Variants in CLPX observed in about 807,000 individuals in gnomAD.
The protein encoded by CLPX is ATP-dependent clpX-like chaperone, mitochondrial.
A neutral mutation model predicts 76.4 loss-of-function variants in CLPX; 34 were observed. The ratio of observed to expected loss-of-function variants is 0.45; its 90% CI spans 0.34 to 0.59. The LOEUF is 0.59. CLPX is among the 20% of genes least tolerant of loss of function. The pLI, the probability that CLPX is intolerant of heterozygous loss-of-function variation, is 0.01. For missense variants in CLPX, 613 were observed against 757.0 expected (o/e 0.81, Z 2.23); for synonymous variants, 248 against 270.9 (o/e 0.92, Z 0.83).
intron 12 of CLPX, among the ~76,000 whole-genome samples, chr15:65,153,202 C>T (rs1222588069): frequency 1.3e-5 from 2 of 151,024 alleles, no homozygotes; most frequent in African/African-American, 4.9e-5. Flanking sequence ...GTAATCCCAG[C>T]ACTTTGGGAG....
At position 65,150,905 on chromosome 15, in the gene CLPX, G is replaced by C; in HGVS notation, c.1820C>G (p.Thr607Arg). ...KKEPGYIRAP[T>R]KESSEEEYDS... Reference sequence around the variant, plus strand: ...ATACTCCTCTTCAGAGGATTCTTTTGTTGGAGCCCTACAATGAAAAGCCAT... The same window carrying C: ...ATACTCCTCTTCAGAGGATTCTTTTCTTGGAGCCCTACAATGAAAAGCCAT... Residue 607 changes from threonine (T) to arginine (R), a missense_variant, in exon 14 of 14, where the codon ACA becomes AGA. Coordinates refer to ENST00000300107, the MANE Select transcript of CLPX (RefSeq NM_006660.5). The C allele has an allele frequency of 4.4e-6, 7 of 1,603,302 alleles. No homozygotes were observed. The highest frequency in any genetic ancestry group is 5.1e-6 in the Non-Finnish European group (6 of 1,174,286).
At chr15:65,166,882 G>C in intron 3 of CLPX, 97 bp from the exon 4 acceptor site, 3 of 1,200,748 alleles carry the variant, frequency 2.5e-6, no homozygotes, top group South Asian at 1.6e-5. Flanking sequence ...CTACGCACCT[G>C]ACAAAAAGTA....
intron 1 of CLPX, chr15:65,184,419 T>TC (rs1304149387): frequency 6.6e-6 from 1 of 152,322 alleles, no homozygotes; most frequent in Non-Finnish European, 1.5e-5. Flanking sequence ...CCCAAGTACT[T>TC]CCGAACCAAC....
At chr15:65,164,553 A>T (rs977171150) in intron 4 of CLPX, among the ~76,000 whole-genome samples, 1 of 152,222 alleles carries the variant, frequency 6.6e-6, no homozygotes, top group African/African-American at 2.4e-5. Context: ...AATGTAAATC[A>T]TTAAAATAAA....
intron 13 of CLPX, among the ~76,000 whole-genome samples, chr15:65,151,456 GAAAAAA>G (rs529752332): frequency 1.1e-4 from 8 of 74,596 alleles, no homozygotes; most frequent in African/African-American, 4.8e-4. Context: ...ATTACTGGGA[GAAAAAA>G]AAAAAAAAAA....
chr15:65,153,584 T>G lies in CLPX; in HGVS notation c.1667A>C (p.Glu556Ala), dbSNP rs1463603693. Residue 556 changes from glutamate (E) to alanine (A), a missense_variant, in exon 12 of 14, where the codon GAA becomes GCA. Glu to Ala is a moderately radical substitution (Grantham distance 107). Coordinates refer to ENST00000300107, the MANE Select transcript of CLPX (RefSeq NM_006660.5). ...AAGGCCTCGTGCACCTGTTTTTCGT[T>G]CTAGTGCCAATCTGGCTATAGCTTT... Reference protein sequence around the residue: ...ALKAIARLALERKTGARGLRS... With the variant: ...ALKAIARLALARKTGARGLRS... 6.2e-7 allele frequency: 1 copy of G among 1,602,250 alleles called. No homozygotes were observed. Among genetic ancestry groups the G allele is most frequent in the Admixed American group, 1.7e-5 (1 of 57,396 alleles).
At chr15:65,182,856 C>A (rs187853240) in intron 1 of CLPX, among the ~76,000 whole-genome samples, 2 of 152,292 alleles carry the variant, frequency 1.3e-5, no homozygotes, top group Admixed American at 6.5e-5. Flanking sequence ...AATTTCAGAA[C>A]AACTGTTTTT....
intron 3 of CLPX, among the ~76,000 whole-genome samples, chr15:65,175,727 T>C (rs2088082823): frequency 1.3e-5 from 2 of 152,176 alleles, no homozygotes; most frequent in Non-Finnish European, 2.9e-5. Context: ...GCATTTTGAA[T>C]TCCAGATTTT....
At chr15:65,177,306 T>C (rs768140659) in intron 3 of CLPX, among the ~76,000 whole-genome samples, 9 of 152,170 alleles carry the variant, frequency 5.9e-5, no homozygotes, top group Non-Finnish European at 1.2e-4. Context: ...TGACCTCAAG[T>C]GATCAGCCCG....
chr15:65,177,807 CTTTT>C (rs1309899863), intron 3 of CLPX, among the ~76,000 whole-genome samples: 1 of 151,954 alleles, frequency 6.6e-6, no homozygotes, highest in Non-Finnish European at 1.5e-5. Context: ...TTTTTTCCTT[CTTTT>C]TTTCTTTTTT....
chr15:65,148,695 A>G lies in CLPX; in HGVS notation c.*2128T>C, dbSNP rs2087682434. 6.6e-6 allele frequency: 1 copy of G among 152,020 alleles called. No homozygotes were observed. Among genetic ancestry groups the G allele is most frequent in the South Asian group, 2.1e-4 (1 of 4,830 alleles). The allele number at this position is 152,020 out of a possible 1,614,324, so 9.4% of individuals were successfully genotyped here. On this transcript the variant is annotated 3_prime_UTR_variant, in exon 14 of 14. Transcript: ENST00000300107. ...TCCTAATAGCTTTAGTTTTTCCCTAAAAAAAACTGTGTAAAAGGAAAGCTC... is the reference window on the plus strand; with the variant it reads ...TCCTAATAGCTTTAGTTTTTCCCTAGAAAAAACTGTGTAAAAGGAAAGCTC...
At chr15:65,152,564 A>C in intron 12 of CLPX, 28 bp from the exon 13 acceptor site, 2 of 1,266,250 alleles carry the variant, frequency 1.6e-6, no homozygotes, top group Non-Finnish European at 2.2e-6. Context: ...AATGAATCAC[A>C]TTGAAAACAG....
chr15:65,182,763 CACCAGATT>C (rs1272475666), intron 1 of CLPX, among the ~76,000 whole-genome samples: 1 of 152,224 alleles, frequency 6.6e-6, no homozygotes, highest in Non-Finnish European at 1.5e-5. Context: ...AAGTATATTT[CACCAGATT>C]ACCTGGCAGC....
intron 1 of CLPX, among the ~76,000 whole-genome samples, chr15:65,182,625 G>C (rs997102354): frequency 3.3e-5 from 5 of 152,172 alleles, no homozygotes; most frequent in African/African-American, 4.8e-5. Flanking sequence ...CCAAGGAAAC[G>C]TTGTGTTTCA....
chr15:65,170,788 T>G (rs1231025054), intron 3 of CLPX, among the ~76,000 whole-genome samples: 1 of 151,164 alleles, frequency 6.6e-6, no homozygotes, highest in African/African-American at 2.4e-5. Flanking sequence ...ACCACTTCAT[T>G]ATCAATTCAA....
At chr15:65,172,257 C>A (rs1454571346) in intron 3 of CLPX, among the ~76,000 whole-genome samples, 1 of 152,170 alleles carries the variant, frequency 6.6e-6, no homozygotes, top group East Asian at 1.9e-4. Flanking sequence ...ACCACCATGC[C>A]TGGCCAATGC....
chr15:65,157,723 G>T (rs774373959), intron 8 of CLPX, 23 bp downstream of exon 8: 2 of 1,603,480 alleles, frequency 1.2e-6, no homozygotes, highest in South Asian at 1.1e-5. Context: ...TAAATCTGGG[G>T]ACAGACCATG....
intron 13 of CLPX, among the ~76,000 whole-genome samples, chr15:65,151,389 C>CA (rs1466549330): frequency 4.6e-5 from 4 of 86,852 alleles, no homozygotes; most frequent in Non-Finnish European, 4.4e-5. Context: ...ATATGGGAAA[C>CA]AGACTATACA....
intron 4 of CLPX, among the ~76,000 whole-genome samples, chr15:65,165,139 C>T (rs1036300279): frequency 5.9e-5 from 9 of 151,848 alleles, no homozygotes; most frequent in African/African-American, 2.2e-4. Flanking sequence ...GAGGTGCAGA[C>T]CAGCCTGGAC....
Sources: allele counts gnomAD v4.1 joint callset (sites outside exome capture counted in the v4.1 genomes callset), GRCh38; gene constraint gnomAD v4.1.1; transcripts MANE v1.5; gene names NCBI Gene and HGNC (gene_info 2026-07-23, HGNC 2026-07-21).